Variants in SNTG2 observed in about 807,000 individuals in gnomAD.
SNTG2 encodes syntrophin gamma 2.
SNTG2 carries 74 observed loss-of-function variants against 70.9 expected under a neutral mutation model. The observed-to-expected ratio is 1.04, with a 90% CI of 0.86 to 1.27. The LOEUF is 1.27. SNTG2 is among the 50% of genes most tolerant of loss of function. The pLI, the probability that SNTG2 is intolerant of heterozygous loss-of-function variation, is 0.00. For missense variants in SNTG2, 717 were observed against 690.7 expected, an observed-to-expected ratio of 1.04 and a Z score of -0.43; for synonymous variants, 278 against 273.8, an observed-to-expected ratio of 1.02 and a Z score of -0.15.
At chr2:1,168,283 G>C (rs28565485) in intron 7 of SNTG2, among the ~76,000 whole-genome samples, 450 of 74,026 alleles carry the variant, frequency 6.1e-3, no homozygotes, top group Middle Eastern at 0.054. Context: ...CTGAAGCCTA[G>C]AAGCCGCCCA....
At chr2:1,333,655 C>A (rs994639704) in intron 16 of SNTG2, among the ~76,000 whole-genome samples, 2 of 152,280 alleles carry the variant, frequency 1.3e-5, no homozygotes, top group African/African-American at 2.4e-5. Flanking sequence ...GCCAACTGAT[C>A]TTGACAAAGC....
intron 8 of SNTG2, among the ~76,000 whole-genome samples, chr2:1,190,434 G>T (rs1213071123): frequency 2.9e-5 from 4 of 137,824 alleles, no homozygotes; most frequent in African/African-American, 8.3e-5. Context: ...TTTGTGGGAG[G>T]TATTTTCAAT....
chr2:1,185,386 C>G (rs1376965469), intron 8 of SNTG2, among the ~76,000 whole-genome samples: 1 of 152,172 alleles, frequency 6.6e-6, no homozygotes, highest in African/African-American at 2.4e-5. Flanking sequence ...GTCAGCATCC[C>G]AGTAGAGACT....
intron 6 of SNTG2, among the ~76,000 whole-genome samples, chr2:1,152,604 G>T (rs993666622): frequency 1.5e-4 from 19 of 128,060 alleles, no homozygotes; most frequent in Admixed American, 7.5e-4. Flanking sequence ...GTGCATGTGT[G>T]TATGTGTGCA....
chr2:1,121,617 A>G (rs1667384406), intron 4 of SNTG2, among the ~76,000 whole-genome samples: 1 of 152,156 alleles, frequency 6.6e-6, no homozygotes, highest in Non-Finnish European at 1.5e-5. Context: ...TTACAATCAT[A>G]GTAGAAGGTA....
At chr2:1,052,430 A>T (rs1484636633) in intron 1 of SNTG2, among the ~76,000 whole-genome samples, 1 of 152,158 alleles carries the variant, frequency 6.6e-6, no homozygotes, top group Non-Finnish European at 1.5e-5. Context: ...TGTGCTTTTC[A>T]TATCTGCGGG....
intron 14 of SNTG2, among the ~76,000 whole-genome samples, chr2:1,289,567 C>A (rs1679904767): frequency 6.6e-6 from 1 of 152,142 alleles, no homozygotes; most frequent in Admixed American, 6.5e-5. Flanking sequence ...TGCCTATTTG[C>A]ACAGAAAATA....
intron 4 of SNTG2, among the ~76,000 whole-genome samples, chr2:1,118,789 A>C (rs1667198255): frequency 6.6e-6 from 1 of 152,156 alleles, no homozygotes; most frequent in Non-Finnish European, 1.5e-5. Flanking sequence ...CAGATGAAGA[A>C]AGTTCTGTAT....
intron 6 of SNTG2, chr2:1,159,308 T>G (rs529497361): frequency 6.6e-6 from 1 of 152,230 alleles, no homozygotes; most frequent in South Asian, 2.1e-4. Flanking sequence ...CTGTGTTTGT[T>G]CTCATGGGTC....
intron 14 of SNTG2, among the ~76,000 whole-genome samples, chr2:1,297,609 A>G (rs1680277606): frequency 6.6e-6 from 1 of 151,894 alleles, no homozygotes; most frequent in South Asian, 2.1e-4. Context: ...TCGCCTCTGC[A>G]GCTCCTTCCC....
intron 9 of SNTG2, among the ~76,000 whole-genome samples, chr2:1,217,763 G>T (rs1674494889): frequency 6.6e-6 from 1 of 152,184 alleles, no homozygotes; most frequent in African/African-American, 2.4e-5. Flanking sequence ...GTGAAGAAAA[G>T]CATTGTTGAT....
chr2:1,083,265 C>T (rs1016956793), intron 1 of SNTG2, among the ~76,000 whole-genome samples: 9 of 147,092 alleles, frequency 6.1e-5, no homozygotes, highest in South Asian at 4.3e-4. Flanking sequence ...AAAAAACAAA[C>T]GCCTGGCTAA....
At chr2:1,220,125 C>T (rs891064696) in intron 9 of SNTG2, 2 of 152,266 alleles carry the variant, frequency 1.3e-5, no homozygotes, top group Non-Finnish European at 2.9e-5. Flanking sequence ...GCTCTGAGCT[C>T]GCGCGTCCCG....
intron 15 of SNTG2, among the ~76,000 whole-genome samples, chr2:1,314,566 A>T (rs1345500214): frequency 6.6e-6 from 1 of 152,210 alleles, no homozygotes; most frequent in Non-Finnish European, 1.5e-5. Context: ...TGTGGCTGCC[A>T]TCTGCTTCTG....
intron 1 of SNTG2, among the ~76,000 whole-genome samples, chr2:1,039,608 CTT>C (rs1266247932): frequency 6.6e-6 from 1 of 152,146 alleles, no homozygotes; most frequent in East Asian, 1.9e-4. Context: ...GAATCAGTCT[CTT>C]TTTATCAGAC....
At chr2:1,260,577 T>C (rs1260993135) in intron 13 of SNTG2, among the ~76,000 whole-genome samples, 2 of 152,172 alleles carry the variant, frequency 1.3e-5, no homozygotes, top group Non-Finnish European at 2.9e-5. Context: ...TGGAGGAAAA[T>C]AGAATAAAAC....
intron 1 of SNTG2, among the ~76,000 whole-genome samples, chr2:987,457 C>T (rs1038877666): frequency 2.2e-4 from 33 of 151,808 alleles, no homozygotes; most frequent in Non-Finnish European, 2.9e-5. Flanking sequence ...TCACGGGGGC[C>T]TTTACAGTAG....
chr2:1,085,299 G>C (rs1030124884), intron 2 of SNTG2, among the ~76,000 whole-genome samples: 2 of 152,122 alleles, frequency 1.3e-5, no homozygotes, highest in African/African-American at 4.8e-5. Flanking sequence ...TTTTTATGCT[G>C]TATTGGCTAG....
chr2:1,259,580 C>G, intron 13 of SNTG2, 139 bp downstream of exon 13: 1 of 707,562 alleles, frequency 1.4e-6, no homozygotes, highest in East Asian at 2.7e-5. Context: ...CGATCTGGAC[C>G]CATTCTCCTG....
Sources: allele counts gnomAD v4.1 joint callset (sites outside exome capture counted in the v4.1 genomes callset), GRCh38; gene constraint gnomAD v4.1.1; transcripts MANE v1.5; gene names NCBI Gene and HGNC (gene_info 2026-07-23, HGNC 2026-07-21).